NTM: variants seen among roughly 807,000 people sequenced by gnomAD.
NTM encodes IgLON family member 2.
A neutral mutation model predicts 42.1 loss-of-function variants in NTM; 13 were observed. That is an observed-to-expected ratio of 0.31 (90% CI 0.20 to 0.49). The LOEUF (loss-of-function observed/expected upper bound fraction) is 0.49, where lower values mean the gene tolerates loss of function less well. NTM is among the 20% of genes least tolerant of loss of function. The pLI is 0.99. For missense variants in NTM, 373 were observed against 452.8 expected (o/e 0.82, Z 1.60); for synonymous variants, 187 against 179.2 (o/e 1.04, Z -0.35).
At chr11:131,994,232 T>C (rs919362211) in intron 2 of NTM, among the ~76,000 whole-genome samples, 4 of 152,194 alleles carry the variant, frequency 2.6e-5, no homozygotes, top group African/African-American at 9.6e-5. Context: ...TTTACATACA[T>C]ATCTGTCTTC....
At chr11:132,195,654 A>G (rs1336102305) in intron 3 of NTM, among the ~76,000 whole-genome samples, 1 of 152,238 alleles carries the variant, frequency 6.6e-6, no homozygotes, top group Non-Finnish European at 1.5e-5. Context: ...ATAAAGTTTC[A>G]TACCTACAAT....
At chr11:131,593,831 G>T (rs1324838815) in intron 1 of NTM, among the ~76,000 whole-genome samples, 2 of 152,196 alleles carry the variant, frequency 1.3e-5, no homozygotes, top group Non-Finnish European at 2.9e-5. Context: ...GTTGCTTTAT[G>T]ATTATCTGTT....
At chr11:131,990,938 A>G (rs1388917557) in intron 2 of NTM, among the ~76,000 whole-genome samples, 3 of 152,148 alleles carry the variant, frequency 2.0e-5, no homozygotes, top group African/African-American at 7.2e-5. Context: ...GTTACCTGAT[A>G]AATTACTTTC....
intron 1 of NTM, among the ~76,000 whole-genome samples, chr11:131,459,793 A>G (rs1049887575): frequency 5.3e-5 from 8 of 152,158 alleles, no homozygotes; most frequent in Admixed American, 2.6e-4. Flanking sequence ...TGTTTAACCT[A>G]TTTATCAGCA....
At chr11:131,857,777 C>G (rs987167048) in intron 1 of NTM, among the ~76,000 whole-genome samples, 1 of 152,086 alleles carries the variant, frequency 6.6e-6, no homozygotes, top group South Asian at 2.1e-4. Flanking sequence ...TTATTGTCTC[C>G]TAACTTGTCT....
At position 131,487,216 on chromosome 11, in the gene NTM, A is replaced by C. The variant is rs138407289; in HGVS notation, c.82+116328A>C. 2.0e-3 allele frequency among the ~76,000 whole-genome samples: 311 copies of C among 152,320 alleles called. 2 individuals carry two copies. Among genetic ancestry groups the C allele is most frequent in the African/African-American group, 7.0e-3 (291 of 41,564 alleles). On this transcript the variant is annotated intron_variant, in intron 1 of 8. Coordinates refer to ENST00000683400, the MANE Select transcript of NTM (RefSeq NM_001352005.2). ...TCCATTCAAAGCATATGTTTATCTT[A>C]AACTCTTGTTATAGCCTCGTGTTTT...
intron 2 of NTM, among the ~76,000 whole-genome samples, chr11:131,950,072 G>T (rs751264426): frequency 1.3e-5 from 2 of 152,146 alleles, no homozygotes; most frequent in African/African-American, 4.8e-5. Flanking sequence ...ATTATTGGTG[G>T]ATTGACTTTG....
intron 1 of NTM, among the ~76,000 whole-genome samples, chr11:131,486,403 A>G (rs318987): frequency 0.8 from 121,404 of 152,080 alleles, 49,344 homozygotes; most frequent in Non-Finnish European, 0.88. Context: ...ACTCAGCTCA[A>G]TCTTCTCCAT....
intron 4 of NTM, among the ~76,000 whole-genome samples, chr11:132,296,638 C>A (rs967168014): frequency 6.6e-6 from 1 of 152,202 alleles, no homozygotes; most frequent in Non-Finnish European, 1.5e-5. Flanking sequence ...TGTTTTAATA[C>A]ATTGCATTCT....
At chr11:132,058,659 G>C (rs2080120360) in intron 2 of NTM, among the ~76,000 whole-genome samples, 2 of 152,116 alleles carry the variant, frequency 1.3e-5, no homozygotes, top group South Asian at 4.1e-4. Flanking sequence ...GGTTTGGCTG[G>C]GGCAGGGAGT....
chr11:132,029,657 A>G (rs574234246), intron 2 of NTM, among the ~76,000 whole-genome samples: 59 of 152,272 alleles, frequency 3.9e-4, no homozygotes, highest in African/African-American at 1.4e-3. Context: ...ATCAGTCAAA[A>G]AATAATCATA....
chr11:131,425,622 G>A (rs1948054112), intron 1 of NTM, among the ~76,000 whole-genome samples: 1 of 152,162 alleles, frequency 6.6e-6, no homozygotes, highest in Non-Finnish European at 1.5e-5. Flanking sequence ...CCTGCATAGT[G>A]TCAGTAGTGC....
intron 4 of NTM, among the ~76,000 whole-genome samples, chr11:132,242,869 A>G (rs2090455768): frequency 1.3e-5 from 2 of 152,236 alleles, no homozygotes; most frequent in South Asian, 4.1e-4. Context: ...AGCTCATTTT[A>G]GCTTCCATGA....
chr11:131,886,203 AGCCATCCTTCCCT>A (rs1177085276), intron 1 of NTM, among the ~76,000 whole-genome samples: 3 of 152,160 alleles, frequency 2.0e-5, no homozygotes, highest in Non-Finnish European at 4.4e-5. Flanking sequence ...AATGCTTTCT[AGCCATCCTTCCCT>A]GCCATGCATC....
chr11:131,605,731 A>C (rs1230800784), intron 1 of NTM: 1 of 929,246 alleles, frequency 1.1e-6, no homozygotes, highest in East Asian at 1.2e-4. Context: ...TAGCTTGTTG[A>C]GTGTTTGTAT....
intron 1 of NTM, among the ~76,000 whole-genome samples, chr11:131,805,744 C>T (rs539224183): frequency 3.9e-5 from 6 of 152,158 alleles, no homozygotes; most frequent in South Asian, 2.1e-4. Context: ...ACAAAACTCC[C>T]GGTGGAAGAA....
chr11:131,959,226 C>T (rs1188622751), intron 2 of NTM, among the ~76,000 whole-genome samples: 1 of 152,166 alleles, frequency 6.6e-6, no homozygotes, highest in East Asian at 1.9e-4. Flanking sequence ...AATCTTTTCT[C>T]AGAAGAGAGG....
intron 1 of NTM, among the ~76,000 whole-genome samples, chr11:131,606,168 C>G (rs2060940121): frequency 6.6e-6 from 1 of 152,130 alleles, no homozygotes; most frequent in Admixed American, 6.5e-5. Context: ...CTCAGCCACC[C>G]TGGCTCAAGT....
chr11:131,569,064 T>A (rs2057182886), intron 1 of NTM, among the ~76,000 whole-genome samples: 1 of 152,194 alleles, frequency 6.6e-6, no homozygotes, highest in Non-Finnish European at 1.5e-5. Flanking sequence ...CTTAGGCATC[T>A]ACTCCTGAAT....
Sources: allele counts gnomAD v4.1 joint callset (sites outside exome capture counted in the v4.1 genomes callset), GRCh38; gene constraint gnomAD v4.1.1; transcripts MANE v1.5; gene names NCBI Gene and HGNC (gene_info 2026-07-23, HGNC 2026-07-21).